Variants in MDFIC2 observed in about 807,000 individuals in gnomAD.
MDFIC2 encodes the protein MyoD family inhibitor domain containing 2.
At chr3:70,247,716 G>T (rs1027626124) in intron 2 of MDFIC2, among the ~76,000 whole-genome samples, 1 of 151,562 alleles carries the variant, frequency 6.6e-6, no homozygotes. Context: ...CATGCTATGA[G>T]CATTTGCCAA....
chr3:70,223,532 A>G (rs1234056158), intron 2 of MDFIC2, among the ~76,000 whole-genome samples: 1 of 152,146 alleles, frequency 6.6e-6, no homozygotes, highest in African/African-American at 2.4e-5. Flanking sequence ...CAGTGCCTCA[A>G]TTTGGAAAGG....
intron 2 of MDFIC2, among the ~76,000 whole-genome samples, chr3:70,240,132 A>C (rs1164929282): frequency 3.3e-5 from 5 of 152,258 alleles, no homozygotes; most frequent in Non-Finnish European, 5.9e-5. Flanking sequence ...CTTAATGTAA[A>C]TTTTTAAAAT....
rs573486804 is a variant in MDFIC2 at position 70,306,313 on chromosome 3, A to G, written c.88+5573T>C. The stretch of plus-strand genomic sequence containing the variant: ...TTTTTAGTAAAGACGGGGTTTCACC[A>G]TGTTGGCCAGGCTGGTCTCAAACTC... On this transcript the variant is annotated intron_variant, in intron 2 of 3. Coordinates refer to ENST00000567252, the MANE Select transcript of MDFIC2 (RefSeq NM_001364677.1). Among the ~76,000 whole-genome samples, 6 of 152,240 alleles carry G rather than the reference A, an allele frequency of 3.9e-5. No homozygotes were observed. The South Asian group carries it at 8.3e-4, about 21-fold the overall frequency.
chr3:70,195,776 A>C lies in MDFIC2; in HGVS notation c.*1150T>G, dbSNP rs924790053. 1.3e-5 allele frequency among the ~76,000 whole-genome samples: 2 copies of C among 152,252 alleles called. No individual in the cohort carries two copies. Among genetic ancestry groups the C allele is most frequent in the Non-Finnish European group, 2.9e-5 (2 of 68,050 alleles). On this transcript the variant is annotated 3_prime_UTR_variant, in exon 4 of 4. Coordinates refer to ENST00000567252, the MANE Select transcript of MDFIC2 (RefSeq NM_001364677.1). ...AGCAATGTATTTGCCCAAGGACTAT[A>C]GAATTGTTTCTACAGAAAGTAAAGA...
In MDFIC2 at chr3:70,309,978, A is replaced by T. The variant is rs141286006; in HGVS notation, c.88+1908T>A. ...TTTCATTATTATTTCTGTATGAGAC[A>T]TCTGTAGCACAGAGTAATTAAAGTA... On this transcript the variant is annotated intron_variant, in intron 2 of 3. Coordinates refer to ENST00000567252, the MANE Select transcript of MDFIC2 (RefSeq NM_001364677.1). 7.0e-4 allele frequency among the ~76,000 whole-genome samples: 107 copies of T among 152,306 alleles called. 1 individual carries two copies. The East Asian group carries it at 0.02, about 28-fold the overall frequency.
chr3:70,290,495 G>A (rs533694194), intron 2 of MDFIC2, among the ~76,000 whole-genome samples: 2 of 152,332 alleles, frequency 1.3e-5, no homozygotes, highest in East Asian at 3.9e-4. Context: ...AGTCTGCAGA[G>A]GTTATGGCTG....
intron 2 of MDFIC2, among the ~76,000 whole-genome samples, chr3:70,290,061 G>A (rs922154566): frequency 1.3e-5 from 2 of 152,176 alleles, no homozygotes; most frequent in African/African-American, 2.4e-5. Context: ...CTCTCAGCTC[G>A]TCAAAGTCAT....
intron 2 of MDFIC2, among the ~76,000 whole-genome samples, chr3:70,212,045 A>G (rs1701356892): frequency 6.6e-6 from 1 of 151,598 alleles, no homozygotes; most frequent in Non-Finnish European, 1.5e-5. Flanking sequence ...CTTTCTTCCT[A>G]CCCTGCCCTT....
intron 2 of MDFIC2, among the ~76,000 whole-genome samples, chr3:70,297,525 A>G (rs1287340676): frequency 6.6e-6 from 1 of 152,138 alleles, no homozygotes; most frequent in East Asian, 1.9e-4. Flanking sequence ...CAGAAATATG[A>G]AGGCTTATTA....
chr3:70,207,264 A>T lies in MDFIC2; in HGVS notation c.89-474T>A, dbSNP rs544602254. Among the ~76,000 whole-genome samples the T allele has an allele frequency of 8.5e-5, 13 of 152,204 alleles. No homozygotes were observed. In the East Asian group the frequency reaches 2.5e-3, roughly 29 times the overall value. On this transcript the variant is annotated intron_variant, in intron 2 of 3. Transcript: ENST00000567252. ...CTCATTTTCCTCCTCTGTAAAAAGAAAAATGCATATAAATGAATAGTCTAT... is the reference window on the plus strand; with the variant it reads ...CTCATTTTCCTCCTCTGTAAAAAGATAAATGCATATAAATGAATAGTCTAT...
intron 2 of MDFIC2, among the ~76,000 whole-genome samples, chr3:70,221,806 A>G (rs992052966): frequency 6.6e-6 from 1 of 152,118 alleles, no homozygotes; most frequent in Admixed American, 6.5e-5. Flanking sequence ...TGGTCTTGCC[A>G]TTTACAGGAC....
chr3:70,228,978 A>T (rs1329808585), intron 2 of MDFIC2, among the ~76,000 whole-genome samples: 1 of 152,192 alleles, frequency 6.6e-6, no homozygotes, highest in African/African-American at 2.4e-5. Flanking sequence ...AACACGGAGA[A>T]TACCATGTAA....
intron 2 of MDFIC2, among the ~76,000 whole-genome samples, chr3:70,276,439 A>G (rs1034483818): frequency 1.3e-5 from 2 of 152,216 alleles, no homozygotes; most frequent in Non-Finnish European, 2.9e-5. Context: ...AAATCTTTGC[A>G]TATGCCTCTC....
intron 2 of MDFIC2, among the ~76,000 whole-genome samples, chr3:70,232,998 G>T (rs563042322): frequency 6.6e-6 from 1 of 152,144 alleles, no homozygotes; most frequent in South Asian, 2.1e-4. Context: ...AGACCAGCCT[G>T]GTTATCATGG....
At position 70,309,741 on chromosome 3, in the gene MDFIC2, T is replaced by C. The variant is rs1168157144; in HGVS notation, c.88+2145A>G. 1.3e-5 allele frequency among the ~76,000 whole-genome samples: 2 copies of C among 152,214 alleles called. 1 individual carries two copies. ...ATCCTGATAATTCCCAATTAAGATG[T>C]TGTCATCTAGCATCTGGCTCAATTT... On this transcript the variant is annotated intron_variant, in intron 2 of 3. Coordinates refer to ENST00000567252, the MANE Select transcript of MDFIC2 (RefSeq NM_001364677.1).
chr3:70,289,605 C>A (rs1368680863), intron 2 of MDFIC2, among the ~76,000 whole-genome samples: 1 of 149,872 alleles, frequency 6.7e-6, no homozygotes, highest in East Asian at 2.0e-4. Context: ...GAACGTTGGC[C>A]TGCCTTGCTA....
chr3:70,206,391 G>C (rs889519551), intron 3 of MDFIC2, among the ~76,000 whole-genome samples, 178 bp downstream of exon 3: 1 of 152,026 alleles, frequency 6.6e-6, no homozygotes, highest in African/African-American at 2.4e-5. Flanking sequence ...AATCTGCCAA[G>C]CGCCTCATAA....
chr3:70,290,563 C>T (rs1702225524), intron 2 of MDFIC2, among the ~76,000 whole-genome samples: 1 of 152,234 alleles, frequency 6.6e-6, no homozygotes, highest in South Asian at 2.1e-4. Flanking sequence ...GCAGGCAGGC[C>T]TCCTTGAGCT....
chr3:70,246,800 A>G (rs1166443171), intron 2 of MDFIC2, among the ~76,000 whole-genome samples: 3 of 152,024 alleles, frequency 2.0e-5, no homozygotes, highest in African/African-American at 7.2e-5. Context: ...TTTTAGAGGG[A>G]AAAAAACCCA....
Sources: gnomAD v4.1 joint callset for allele counts (sites outside exome capture counted in the v4.1 genomes callset) on GRCh38, gnomAD v4.1.1 for gene constraint, MANE v1.5 for transcripts, NCBI Gene and HGNC (gene_info 2026-07-23, HGNC 2026-07-21) for gene names.